Variants in DLGAP2 observed in about 807,000 individuals in gnomAD.
DLGAP2 encodes DLG associated protein 2, also known as disks large-associated protein 2.
In DLGAP2, 26 loss-of-function variants were observed where a neutral mutation model predicts 100.3. That is an observed-to-expected ratio of 0.26 (90% confidence interval 0.19 to 0.36). DLGAP2 has a LOEUF of 0.36. DLGAP2 is among the 10% of genes least tolerant of loss of function. The pLI is 1.00. For missense variants in DLGAP2, 1,858 were observed against 1,453.2 expected, an observed-to-expected ratio of 1.28 and a Z score of -4.53; for synonymous variants, 886 against 630.1, an observed-to-expected ratio of 1.41 and a Z score of -6.08.
intron 6 of DLGAP2, among the ~76,000 whole-genome samples, chr8:1,610,646 A>C (rs1796965260): frequency 7.7e-6 from 1 of 130,412 alleles, no homozygotes. Flanking sequence ...CGCTAGCAAG[A>C]CTAATAAAGA....
chr8:1,603,561 G>A (rs193136328), intron 6 of DLGAP2, among the ~76,000 whole-genome samples: 2 of 151,980 alleles, frequency 1.3e-5, no homozygotes, highest in East Asian at 3.9e-4. Context: ...CTTGGTTAGG[G>A]TGGAAGGTGG....
At chr8:1,630,751 CAAGCACAGGAAGGG>C (rs1282023757) in intron 7 of DLGAP2, among the ~76,000 whole-genome samples, 3 of 151,972 alleles carry the variant, frequency 2.0e-5, no homozygotes, top group Non-Finnish European at 4.4e-5. Context: ...AATTTTTTCT[CAAGCACAGGAAGGG>C]AATTAAAAAT....
chr8:1,273,041 C>A (rs965300288), intron 3 of DLGAP2, among the ~76,000 whole-genome samples: 1 of 152,172 alleles, frequency 6.6e-6, no homozygotes, highest in Non-Finnish European at 1.5e-5. Flanking sequence ...CAACAAAGTC[C>A]ATTTGACCAC....
chr8:1,530,768 C>T (rs1387570166), intron 4 of DLGAP2, among the ~76,000 whole-genome samples: 1 of 152,216 alleles, frequency 6.6e-6, no homozygotes, highest in Non-Finnish European at 1.5e-5. Flanking sequence ...CGTCTGGGGT[C>T]CCTGACTTCC....
chr8:1,518,949 C>G (rs1800490365), intron 4 of DLGAP2, among the ~76,000 whole-genome samples: 1 of 152,176 alleles, frequency 6.6e-6, no homozygotes, highest in Non-Finnish European at 1.5e-5. Context: ...GAGACCAACT[C>G]TGCTTGGAGG....
At chr8:1,447,850 C>A (rs556849812) in intron 3 of DLGAP2, among the ~76,000 whole-genome samples, 6 of 152,190 alleles carry the variant, frequency 3.9e-5, no homozygotes, top group Non-Finnish European at 8.8e-5. Context: ...TCCATTTCTT[C>A]TAGATTTTCT....
At chr8:1,326,556 C>G (rs980044594) in intron 3 of DLGAP2, among the ~76,000 whole-genome samples, 1 of 151,296 alleles carries the variant, frequency 6.6e-6, no homozygotes, top group Admixed American at 6.6e-5. Context: ...GGACATGGCA[C>G]GCACTCGGTC....
intron 2 of DLGAP2, among the ~76,000 whole-genome samples, chr8:1,178,648 C>T (rs912878010): frequency 6.6e-6 from 1 of 152,090 alleles, no homozygotes; most frequent in Non-Finnish European, 1.5e-5. Flanking sequence ...AAATGCAGCT[C>T]AGCTCTCAAA....
chr8:1,323,944 G>A (rs1267934173), intron 3 of DLGAP2, among the ~76,000 whole-genome samples: 1 of 152,200 alleles, frequency 6.6e-6, no homozygotes, highest in African/African-American at 2.4e-5. Flanking sequence ...AAGCCCAGCT[G>A]TTATTTAATA....
intron 2 of DLGAP2, among the ~76,000 whole-genome samples, chr8:1,183,511 T>C (rs1797434784): frequency 6.6e-6 from 1 of 152,202 alleles, no homozygotes; most frequent in Non-Finnish European, 1.5e-5. Flanking sequence ...GCCCTGGAAA[T>C]ATCCTTACTG....
intron 3 of DLGAP2, among the ~76,000 whole-genome samples, chr8:1,276,309 T>G (rs1416144523): frequency 6.6e-6 from 1 of 151,840 alleles, no homozygotes; most frequent in Non-Finnish European, 1.5e-5. Flanking sequence ...AAAGTGATAC[T>G]TCAACATTAG....
At chr8:972,894 T>C (rs1371404559) in intron 2 of DLGAP2, among the ~76,000 whole-genome samples, 1 of 152,200 alleles carries the variant, frequency 6.6e-6, no homozygotes, top group Non-Finnish European at 1.5e-5. Flanking sequence ...CATTTAACCC[T>C]GAGTGGACAC....
chr8:1,487,414 A>G (rs1464726171), intron 3 of DLGAP2, among the ~76,000 whole-genome samples: 2 of 152,236 alleles, frequency 1.3e-5, no homozygotes, highest in African/African-American at 4.8e-5. Context: ...CATTTAGAAA[A>G]TGAGAATAAA....
At chr8:981,903 G>A (rs1800341849) in intron 2 of DLGAP2, among the ~76,000 whole-genome samples, 1 of 152,160 alleles carries the variant, frequency 6.6e-6, no homozygotes, top group Non-Finnish European at 1.5e-5. Flanking sequence ...ACGTTGAATG[G>A]GAATCCAGTG....
In DLGAP2 at chr8:1,524,458, C is replaced by G. The variant is rs535587282; in HGVS notation, c.172+23027C>G. Among the ~76,000 whole-genome samples the G allele has an allele frequency of 4.6e-5, 7 of 152,242 alleles. No homozygotes were observed. The East Asian group carries it at 1.2e-3, about 25-fold the overall frequency. ...GGCAGCCCTAACTAAGGAGCCCAGA[C>G]TGGGCGGCTTAAACAACGGACGTTG... On this transcript the variant is annotated intron_variant, in intron 4 of 14. Transcript: ENST00000637795.
intron 1 of DLGAP2, among the ~76,000 whole-genome samples, chr8:847,189 C>A (rs2128986768): frequency 6.6e-6 from 1 of 152,296 alleles, no homozygotes; most frequent in Middle Eastern, 3.4e-3. Context: ...TTTTCTGCTG[C>A]TTCTTGACAC....
intron 3 of DLGAP2, among the ~76,000 whole-genome samples, chr8:1,405,402 G>C (rs1796556946): frequency 5.9e-5 from 1 of 16,914 alleles, no homozygotes; most frequent in African/African-American, 2.0e-4. Context: ...CCAGAGTCGT[G>C]TATTGAGTGC....
chr8:932,039 C>T (rs1008648890), intron 2 of DLGAP2, among the ~76,000 whole-genome samples: 1 of 152,126 alleles, frequency 6.6e-6, no homozygotes, highest in African/African-American at 2.4e-5. Flanking sequence ...TGGAAATATT[C>T]CCTTCTAGGA....
At position 1,330,441 on chromosome 8, in the gene DLGAP2, G is replaced by A. The variant is rs1434000229; in HGVS notation, c.106+71558G>A. On this transcript the variant is annotated intron_variant, in intron 3 of 14. Coordinates refer to ENST00000637795, the MANE Select transcript of DLGAP2 (RefSeq NM_001346810.2). ...ACCGCTTCGCGGGGACTGAGTTCTG[G>A]GTGGGACTGAGTTCTGGGTGGGAGC... Among the ~76,000 whole-genome samples, 4 of 146,458 alleles carry A rather than the reference G, an allele frequency of 2.7e-5. No individual in the cohort carries two copies. In the South Asian group the frequency reaches 6.6e-4, roughly 24 times the overall value.
Sources: gnomAD v4.1 joint callset for allele counts (sites outside exome capture counted in the v4.1 genomes callset) on GRCh38, gnomAD v4.1.1 for gene constraint, MANE v1.5 for transcripts, NCBI Gene and HGNC (gene_info 2026-07-23, HGNC 2026-07-21) for gene names.